Variants in EDIL3 observed in about 807,000 individuals in gnomAD.
EDIL3 encodes EGF-like repeat and discoidin I-like domain-containing protein 3.
In EDIL3, 37 loss-of-function variants were observed where a neutral mutation model predicts 67.4. The observed-to-expected ratio is 0.55, with a 90% CI of 0.42 to 0.72. The LOEUF is 0.72. Among genes scored for constraint, EDIL3 ranks in the 30% least tolerant of loss-of-function variants. The pLI, the probability that EDIL3 is intolerant of heterozygous loss-of-function variation, is 0.00. For synonymous variants in EDIL3, 195 were observed against 196.3 expected, an observed-to-expected ratio of 0.99 and a Z score of 0.05; for missense variants, 527 against 586.3, an observed-to-expected ratio of 0.90 and a Z score of 1.04.
intron 4 of EDIL3, among the ~76,000 whole-genome samples, chr5:84,167,434 G>A (rs1219180790): frequency 6.6e-6 from 1 of 151,960 alleles, no homozygotes; most frequent in African/African-American, 2.4e-5. Context: ...ATACTGAGAA[G>A]GTGTACACTC....
At chr5:84,284,658 A>ACT (rs1421227751) in intron 1 of EDIL3, among the ~76,000 whole-genome samples, 9 of 152,182 alleles carry the variant, frequency 5.9e-5, no homozygotes, top group African/African-American at 2.2e-4. Context: ...TCTGCTTGAA[A>ACT]TAATGATAAT....
chr5:84,090,732 G>A (rs1747150474), intron 6 of EDIL3, among the ~76,000 whole-genome samples: 1 of 151,966 alleles, frequency 6.6e-6, no homozygotes, highest in Admixed American at 6.6e-5. Flanking sequence ...TGGATCACGA[G>A]CTCAAGAGAC....
chr5:84,280,770 CTA>C (rs1158566988), intron 1 of EDIL3, among the ~76,000 whole-genome samples: 4 of 151,764 alleles, frequency 2.6e-5, no homozygotes, highest in Non-Finnish European at 5.9e-5. Flanking sequence ...TGGTGAGACT[CTA>C]TCTCTACAAA....
chr5:84,379,236 T>C (rs1481104189), intron 1 of EDIL3, among the ~76,000 whole-genome samples: 2 of 152,148 alleles, frequency 1.3e-5, no homozygotes, highest in Admixed American at 6.5e-5. Flanking sequence ...AAGTTATCAG[T>C]TAAAGGTCAA....
At chr5:84,052,561 C>A (rs1746360565) in intron 9 of EDIL3, among the ~76,000 whole-genome samples, 1 of 152,086 alleles carries the variant, frequency 6.6e-6, no homozygotes, top group South Asian at 2.1e-4. Context: ...ATTCAGGAAA[C>A]CCATCTCACG....
intron 6 of EDIL3, among the ~76,000 whole-genome samples, chr5:84,092,721 G>A (rs1747188852): frequency 6.6e-6 from 1 of 151,908 alleles, no homozygotes; most frequent in African/African-American, 2.4e-5. Flanking sequence ...TAAACTCATG[G>A]TGTGATTATA....
At chr5:84,331,974 C>T (rs1180440855) in intron 1 of EDIL3, among the ~76,000 whole-genome samples, 1 of 152,064 alleles carries the variant, frequency 6.6e-6, no homozygotes, top group African/African-American at 2.4e-5. Context: ...ACATTCATCC[C>T]GTTAGAAAAC....
intron 9 of EDIL3, among the ~76,000 whole-genome samples, chr5:84,020,227 G>C (rs1167860645): frequency 6.6e-6 from 1 of 151,940 alleles, no homozygotes; most frequent in Non-Finnish European, 1.5e-5. Context: ...CTTCATCTGA[G>C]TCTTAGAATT....
chr5:84,275,275 T>C (rs1408164351), intron 1 of EDIL3, among the ~76,000 whole-genome samples: 2 of 152,168 alleles, frequency 1.3e-5, no homozygotes, highest in African/African-American at 4.8e-5. Flanking sequence ...ATACTATTTC[T>C]CCTATCTGCT....
chr5:84,078,292 G>C (rs992393014), intron 6 of EDIL3, among the ~76,000 whole-genome samples: 1 of 152,010 alleles, frequency 6.6e-6, no homozygotes, highest in Admixed American at 6.5e-5. Flanking sequence ...GTGTACCTGT[G>C]TGTATGTGTG....
intron 5 of EDIL3, among the ~76,000 whole-genome samples, chr5:84,123,455 A>G (rs1295042162): frequency 6.6e-6 from 1 of 151,926 alleles, no homozygotes; most frequent in African/African-American, 2.4e-5. Flanking sequence ...TTTTGCCTGT[A>G]TATTTCTCTT....
chr5:84,106,923 T>G (rs533459418), intron 5 of EDIL3, 93 bp from the exon 6 acceptor site: 2 of 1,377,062 alleles, frequency 1.5e-6, no homozygotes, highest in African/African-American at 2.9e-5. Context: ...TTTTAAATGA[T>G]TTGAATTTGC....
intron 1 of EDIL3, among the ~76,000 whole-genome samples, chr5:84,316,101 C>G (rs1307570148): frequency 1.3e-5 from 2 of 152,176 alleles, no homozygotes; most frequent in Non-Finnish European, 2.9e-5. Context: ...ACAAGAGCTC[C>G]TGAAGGAAGC....
intron 2 of EDIL3, among the ~76,000 whole-genome samples, chr5:84,249,154 A>C (rs1174955921): frequency 6.6e-6 from 1 of 151,456 alleles, no homozygotes; most frequent in African/African-American, 2.4e-5. Flanking sequence ...CTTTTTTTTT[A>C]ATCTCCTGGT....
chr5:84,302,441 C>A (rs1364148592), intron 1 of EDIL3, among the ~76,000 whole-genome samples: 5 of 152,182 alleles, frequency 3.3e-5, no homozygotes, highest in South Asian at 4.1e-4. Flanking sequence ...GGACTACAGG[C>A]GCCTGACACC....
At chr5:84,064,139 A>G (rs1158591469) in intron 8 of EDIL3, among the ~76,000 whole-genome samples, 1 of 152,160 alleles carries the variant, frequency 6.6e-6, no homozygotes, top group Non-Finnish European at 1.5e-5. Flanking sequence ...ACAGGTTGCT[A>G]GCTAAGAATG....
chr5:84,208,744 T>C (rs1193954006), intron 3 of EDIL3, among the ~76,000 whole-genome samples: 2 of 144,802 alleles, frequency 1.4e-5, no homozygotes, highest in Admixed American at 6.8e-5. Flanking sequence ...AGAGAGGATG[T>C]GGAGAAATAG....
At chr5:84,001,092 G>T (rs1745322527) in intron 9 of EDIL3, among the ~76,000 whole-genome samples, 1 of 151,930 alleles carries the variant, frequency 6.6e-6, no homozygotes, top group South Asian at 2.1e-4. Context: ...TGTTGCCCAG[G>T]CTGGAGTGCA....
chr5:84,201,554 A>C (rs146215966), intron 3 of EDIL3, among the ~76,000 whole-genome samples: 1 of 151,852 alleles, frequency 6.6e-6, no homozygotes, highest in Non-Finnish European at 1.5e-5. Context: ...GTTGTCATCA[A>C]TGTCCCTAAA....
Sources: allele counts gnomAD v4.1 joint callset (sites outside exome capture counted in the v4.1 genomes callset), GRCh38; gene constraint gnomAD v4.1.1; transcripts MANE v1.5; gene names NCBI Gene and HGNC (gene_info 2026-07-23, HGNC 2026-07-21).